The following CACNA2D3 variants were observed in gnomAD, a reference collection of about 807,000 sequenced individuals.
CACNA2D3 encodes voltage-dependent calcium channel subunit alpha-2/delta-3.
A neutral mutation model predicts 160.6 loss-of-function variants in CACNA2D3; 60 were observed. That is an observed-to-expected ratio of 0.37 (90% CI 0.30 to 0.46). CACNA2D3 has a LOEUF of 0.46. Ranked by LOEUF, CACNA2D3 falls within the 20% of genes least tolerant of loss-of-function variation. The pLI, the probability that CACNA2D3 is intolerant of heterozygous loss-of-function variation, is 1.00. For synonymous variants in CACNA2D3, 558 were observed against 492.9 expected (o/e 1.13, Z -1.75); for missense variants, 1,205 against 1,365.0 (o/e 0.88, Z 1.85).
intron 2 of CACNA2D3, among the ~76,000 whole-genome samples, chr3:54,146,340 G>A (rs890906334): frequency 2.0e-5 from 3 of 152,338 alleles, no homozygotes; most frequent in Non-Finnish European, 4.4e-5. Context: ...CCGAGCACAG[G>A]GACTGATGCT....
At position 54,878,254 on chromosome 3, in the gene CACNA2D3, C is replaced by T. The variant is rs28629979; in HGVS notation, c.1711-764C>T. 7.6e-3 allele frequency among the ~76,000 whole-genome samples: 1,162 copies of T among 152,242 alleles called. 11 individuals are homozygous for T. The highest frequency in any genetic ancestry group is 0.026 in the African/African-American group (1,070 of 41,542). ...TTCCTGACAGGCTGTGGCATGTCAG[C>T]GTTTGCTCCTATTCCATTAACTGGC... On this transcript the variant is annotated intron_variant, in intron 18 of 37. Transcript: ENST00000474759.
At chr3:54,870,727 A>G (rs1325613079) in intron 17 of CACNA2D3, among the ~76,000 whole-genome samples, 1 of 152,136 alleles carries the variant, frequency 6.6e-6, no homozygotes, top group Non-Finnish European at 1.5e-5. Flanking sequence ...CCTAACAGCC[A>G]TTACATCTGG....
At chr3:54,203,614 G>A (rs774433228) in intron 2 of CACNA2D3, among the ~76,000 whole-genome samples, 1 of 152,216 alleles carries the variant, frequency 6.6e-6, no homozygotes, top group African/African-American at 2.4e-5. Flanking sequence ...GGGGAAGCCA[G>A]AAGGGAGATG....
At chr3:54,332,432 T>C (rs1014919836) in intron 3 of CACNA2D3, among the ~76,000 whole-genome samples, 1 of 152,212 alleles carries the variant, frequency 6.6e-6, no homozygotes, top group African/African-American at 2.4e-5. Context: ...CCTTGCAATT[T>C]TTAAGCAGCT....
chr3:54,747,356 T>C (rs1028827358), intron 11 of CACNA2D3, among the ~76,000 whole-genome samples: 8 of 152,146 alleles, frequency 5.3e-5, no homozygotes, highest in African/African-American at 1.9e-4. Flanking sequence ...ATCTCTCACC[T>C]GGAACATTGT....
chr3:54,996,427 C>T (rs1702861062), intron 31 of CACNA2D3, among the ~76,000 whole-genome samples: 1 of 152,204 alleles, frequency 6.6e-6, no homozygotes. Context: ...CAGCTAGGTG[C>T]ATTTACTGGG....
intron 35 of CACNA2D3, among the ~76,000 whole-genome samples, chr3:55,033,427 C>G (rs980395880): frequency 3.3e-5 from 5 of 151,762 alleles, no homozygotes; most frequent in Non-Finnish European, 7.4e-5. Flanking sequence ...GTGTGTCCCT[C>G]TCCTTGCATA....
intron 5 of CACNA2D3, among the ~76,000 whole-genome samples, chr3:54,520,883 G>T (rs999183152): frequency 1.3e-5 from 2 of 152,100 alleles, no homozygotes; most frequent in Admixed American, 1.3e-4. Context: ...TTTGTGACTG[G>T]CTTATTTCAC....
chr3:54,227,372 A>T (rs1279272139), intron 2 of CACNA2D3, among the ~76,000 whole-genome samples: 1 of 152,148 alleles, frequency 6.6e-6, no homozygotes, highest in Non-Finnish European at 1.5e-5. Context: ...TAGTTTACCC[A>T]GCTTGCAGTG....
Position 54,273,684 on chromosome 3 carries a change from C to G in CACNA2D3, c.205-46758C>G, listed in dbSNP as rs565811389. ...CCAAACACAAGGTCCAGATGACCAC[C>G]CGACTGGGAAGGGTCTCCATCTGGC... On this transcript the variant is annotated intron_variant, in intron 2 of 37. Coordinates refer to ENST00000474759, the MANE Select transcript of CACNA2D3 (RefSeq NM_018398.3). 7.2e-5 allele frequency among the ~76,000 whole-genome samples: 11 copies of G among 152,264 alleles called. No individual in the cohort carries two copies. The South Asian group carries it at 2.3e-3, about 32-fold the overall frequency.
chr3:54,956,597 C>G lies in CACNA2D3; in HGVS notation c.2450-11853C>G, dbSNP rs118142479. On this transcript the variant is annotated intron_variant, in intron 27 of 37. Transcript: ENST00000474759. ...CCCTCTTCAACTGGTCTTAGGCTGT[C>G]ATAAATTCCTGCTCATCCTACAGAC... 1.3e-3 allele frequency among the ~76,000 whole-genome samples: 204 copies of G among 152,234 alleles called. 3 individuals carry two copies. The East Asian group carries it at 0.038, about 28-fold the overall frequency.
chr3:54,210,469 A>G (rs541882210), intron 2 of CACNA2D3, among the ~76,000 whole-genome samples: 16 of 152,086 alleles, frequency 1.1e-4, no homozygotes, highest in Non-Finnish European at 2.2e-4. Flanking sequence ...TGTTTAAGAT[A>G]GCTCATACTG....
intron 3 of CACNA2D3, among the ~76,000 whole-genome samples, chr3:54,339,550 G>A (rs558982364): frequency 1.6e-3 from 250 of 152,264 alleles, no homozygotes; most frequent in Non-Finnish European, 2.9e-3. Flanking sequence ...CTTTAGCCCA[G>A]TGAGGAGAAG....
At chr3:54,305,578 CT>C (rs1559916499) in intron 2 of CACNA2D3, among the ~76,000 whole-genome samples, 1 of 152,254 alleles carries the variant, frequency 6.6e-6, no homozygotes, top group East Asian at 1.9e-4. Flanking sequence ...CACAGGATGA[CT>C]TAGTGACATA....
At chr3:54,748,634 G>C (rs1334226903) in intron 11 of CACNA2D3, among the ~76,000 whole-genome samples, 1 of 151,968 alleles carries the variant, frequency 6.6e-6, no homozygotes, top group African/African-American at 2.4e-5. Context: ...CATGCCTGCA[G>C]ATGATGAGCA....
Position 54,736,105 on chromosome 3 carries a change from A to ATATATG in CACNA2D3, c.1168-16491_1168-16490insATGTAT, listed in dbSNP as rs1553814461. ...TATGTATGTGTATATATATACATAT[A>ATATATG]TATGTATATATATACATATATATAT... On this transcript the variant is annotated intron_variant, in intron 11 of 37. Coordinates refer to ENST00000474759, the MANE Select transcript of CACNA2D3 (RefSeq NM_018398.3). Among the ~76,000 whole-genome samples the ATATATG allele has an allele frequency of 5.4e-4, 14 of 25,974 alleles. 1 individual carries two copies. Among genetic ancestry groups the ATATATG allele is most frequent in the South Asian group, 2.7e-3 (2 of 742 alleles). The allele number at this position is 25,974 out of a possible 152,430, so 17.0% of individuals were successfully genotyped here. A position where few individuals can be genotyped will look rare whatever the true frequency, so the allele number is the denominator to read the frequency against.
chr3:54,303,959 A>G (rs1703539263), intron 2 of CACNA2D3, among the ~76,000 whole-genome samples: 1 of 151,546 alleles, frequency 6.6e-6, no homozygotes, highest in African/African-American at 2.4e-5. Flanking sequence ...TACTGGAGGG[A>G]CACTGGGTTT....
At chr3:54,914,276 GATTAA>G (rs1700615194) in intron 27 of CACNA2D3, among the ~76,000 whole-genome samples, 1 of 151,610 alleles carries the variant, frequency 6.6e-6, no homozygotes, top group East Asian at 1.9e-4. Flanking sequence ...CTGGAAAACA[GATTAA>G]AAAAAAAAAT....
intron 11 of CACNA2D3, among the ~76,000 whole-genome samples, chr3:54,733,335 G>C (rs1005291926): frequency 6.6e-5 from 10 of 152,206 alleles, no homozygotes; most frequent in African/African-American, 2.2e-4. Flanking sequence ...CAGCTGGAAT[G>C]ATTTGAGTAC....
Sources: allele counts gnomAD v4.1 joint callset (sites outside exome capture counted in the v4.1 genomes callset), GRCh38; gene constraint gnomAD v4.1.1; transcripts MANE v1.5; gene names NCBI Gene and HGNC (gene_info 2026-07-23, HGNC 2026-07-21).